Variants in ANKRD44 observed in about 807,000 individuals in gnomAD.
The protein encoded by ANKRD44 is ankyrin repeat domain 44.
Under a neutral mutation model 116.0 loss-of-function variants are expected in ANKRD44, and 35 were observed. That is an observed-to-expected ratio of 0.30 (90% confidence interval 0.23 to 0.40). The LOEUF (loss-of-function observed/expected upper bound fraction) is 0.40, where lower values mean the gene tolerates loss of function less well. Ranked by LOEUF, ANKRD44 falls within the 10% of genes least tolerant of loss-of-function variation. The probability of loss-of-function intolerance (pLI) is 1.00; values close to 1 mark genes in which losing one functional copy is unlikely to be tolerated. For synonymous variants in ANKRD44, 435 were observed against 461.8 expected (o/e 0.94, Z 0.74); for missense variants, 1,014 against 1,242.6 (o/e 0.82, Z 2.77).
At chr2:197,174,871 A>G (rs1027839650) in intron 2 of ANKRD44, among the ~76,000 whole-genome samples, 65 of 152,212 alleles carry the variant, frequency 4.3e-4, no homozygotes, top group African/African-American at 9.6e-4. Flanking sequence ...GCTATTTTAC[A>G]TGGGAAGATC....
At chr2:197,181,780 C>A (rs1174822814) in intron 2 of ANKRD44, among the ~76,000 whole-genome samples, 2 of 152,192 alleles carry the variant, frequency 1.3e-5, no homozygotes, top group African/African-American at 2.4e-5. Context: ...TAAGTTAATT[C>A]TTATCTTTTG....
intron 10 of ANKRD44, among the ~76,000 whole-genome samples, chr2:197,098,887 G>A (rs2078225648): frequency 6.6e-6 from 1 of 152,068 alleles, no homozygotes; most frequent in Non-Finnish European, 1.5e-5. Context: ...GGCATCAAGG[G>A]AGCACCCACC....
intron 1 of ANKRD44, among the ~76,000 whole-genome samples, chr2:197,255,699 C>T (rs918083181): frequency 6.6e-6 from 1 of 152,232 alleles, no homozygotes; most frequent in Non-Finnish European, 1.5e-5. Context: ...TAAGAGGCGG[C>T]CCCCTGGGTT....
At chr2:197,115,005 G>A (rs947905483) in intron 8 of ANKRD44, among the ~76,000 whole-genome samples, 1 of 152,014 alleles carries the variant, frequency 6.6e-6, no homozygotes, top group Non-Finnish European at 1.5e-5. Flanking sequence ...GCCCATTCCA[G>A]TTTCCACCTT....
chr2:197,257,308 T>C (rs1407029392), intron 1 of ANKRD44, among the ~76,000 whole-genome samples: 2 of 152,096 alleles, frequency 1.3e-5, no homozygotes, highest in Non-Finnish European at 2.9e-5. Context: ...TTCAGTTTGG[T>C]ATGACAGTAG....
At chr2:197,130,599 C>G (rs576285006) in intron 4 of ANKRD44, among the ~76,000 whole-genome samples, 45 of 152,250 alleles carry the variant, frequency 3.0e-4, no homozygotes, top group African/African-American at 1.0e-3. Flanking sequence ...AGCTGGGTAC[C>G]GCTTGTCTAC....
chr2:197,143,429 C>T (rs1439927680), intron 3 of ANKRD44, among the ~76,000 whole-genome samples: 2 of 146,692 alleles, frequency 1.4e-5, no homozygotes, highest in Non-Finnish European at 3.0e-5. Flanking sequence ...CAATTCCCAC[C>T]TATGAGTCAG....
At chr2:197,088,917 G>T in intron 11 of ANKRD44, 143 bp from the exon 12 acceptor site, 1 of 806,744 alleles carries the variant, frequency 1.2e-6, no homozygotes, top group Non-Finnish European at 1.8e-6. Flanking sequence ...GAAAGAGGTT[G>T]TCATGGAAAC....
At chr2:197,217,779 C>T (rs6434917) in intron 1 of ANKRD44, among the ~76,000 whole-genome samples, 30,629 of 152,066 alleles carry the variant, frequency 0.2, 3,235 homozygotes, top group Middle Eastern at 0.31. Flanking sequence ...TTTTCTCATC[C>T]GTTAAATGAA....
At chr2:197,255,567 G>A (rs1470745618) in intron 1 of ANKRD44, among the ~76,000 whole-genome samples, 5 of 152,216 alleles carry the variant, frequency 3.3e-5, no homozygotes, top group Non-Finnish European at 4.4e-5. Flanking sequence ...TCATAGTTTT[G>A]GAATTGAGAA....
intron 1 of ANKRD44, among the ~76,000 whole-genome samples, chr2:197,269,261 A>G (rs1175288394): frequency 6.6e-6 from 1 of 152,182 alleles, no homozygotes; most frequent in Non-Finnish European, 1.5e-5. Flanking sequence ...ATAAATAAGC[A>G]ATAAAGCAGG....
Position 197,086,763 on chromosome 2 carries a change from A to G in ANKRD44, c.1248-15T>C, listed in dbSNP as rs545446843. On this transcript the variant is annotated splice_polypyrimidine_tract_variant and intron_variant, in intron 12 of 27. Transcript: ENST00000282272. ...ATTCCACATTACTAGAAAGACAGGG[A>G]AAACATCATTAAGATGGAAGAGATC... 6.2e-7 allele frequency: 1 copy of G among 1,612,576 alleles called. No homozygotes were observed. Among genetic ancestry groups the G allele is most frequent in the Admixed American group, 1.7e-5 (1 of 60,010 alleles).
Position 196,986,801 on chromosome 2 carries a change from T to C in ANKRD44, c.*2790A>G. The stretch of plus-strand genomic sequence containing the variant: ...AGTATTAAACTGTGCTTGAGAAGAT[T>C]CAGATTGTTTCAAAGTCATTCACTG... On this transcript the variant is annotated 3_prime_UTR_variant, in exon 28 of 28. Transcript: ENST00000282272. The C allele has an allele frequency of 1.0e-6, 1 of 985,432 alleles. No homozygotes were observed. The highest frequency in any genetic ancestry group is 1.2e-6 in the Non-Finnish European group (1 of 829,926). 61.0% of individuals were successfully genotyped at this position (985,432 alleles called of 1,614,324 possible). A position where few individuals can be genotyped will look rare whatever the true frequency, so the allele number is the denominator to read the frequency against.
At chr2:197,003,195 C>T (rs1260660529) in intron 21 of ANKRD44, among the ~76,000 whole-genome samples, 1 of 151,822 alleles carries the variant, frequency 6.6e-6, no homozygotes, top group East Asian at 1.9e-4. Flanking sequence ...TCTGTAGTTC[C>T]AGCTACTCGG....
rs922023637 is a variant in ANKRD44, at chr2:197,025,074, C to T, written c.1722+122G>A. On this transcript the variant is annotated intron_variant, in intron 17 of 27. Coordinates refer to ENST00000282272, the MANE Select transcript of ANKRD44 (RefSeq NM_001195144.2). Reference sequence around the variant, plus strand: ...TCTCCACAGCCTGTGCCTTTTACCACGGACTACTTTCACTACCACTCATCA... The same window carrying T: ...TCTCCACAGCCTGTGCCTTTTACCATGGACTACTTTCACTACCACTCATCA... 8.5e-5 allele frequency: 80 copies of T among 940,858 alleles called. 1 individual carries two copies. The highest frequency in any genetic ancestry group is 2.2e-4 in the Middle Eastern group (1 of 4,462). 58.3% of individuals were successfully genotyped at this position (940,858 alleles called of 1,614,324 possible). A position where few individuals can be genotyped will look rare whatever the true frequency, so the allele number is the denominator to read the frequency against.
chr2:197,122,541 A>C, intron 7 of ANKRD44, 109 bp downstream of exon 7: 1 of 1,422,618 alleles, frequency 7.0e-7, no homozygotes, highest in Non-Finnish European at 9.4e-7. Flanking sequence ...AGGATGCTAG[A>C]AAACAATTCC....
At chr2:197,291,747 A>C (rs1222505848) in intron 1 of ANKRD44, among the ~76,000 whole-genome samples, 1 of 152,142 alleles carries the variant, frequency 6.6e-6, no homozygotes, top group East Asian at 1.9e-4. Flanking sequence ...ATATGTATAC[A>C]TGTGCCATGT....
intron 6 of ANKRD44, among the ~76,000 whole-genome samples, chr2:197,125,104 T>C (rs1339758528): frequency 6.6e-6 from 1 of 152,254 alleles, no homozygotes; most frequent in East Asian, 1.9e-4. Context: ...ATAAGCACAA[T>C]CTGTGCAGCT....
intron 10 of ANKRD44, chr2:197,099,364 G>A: frequency 3.8e-6 from 1 of 260,928 alleles, no homozygotes; most frequent in Non-Finnish European, 6.0e-6. Context: ...ATGTATTTTT[G>A]TGGAATTGAA....
Sources: allele counts gnomAD v4.1 joint callset (sites outside exome capture counted in the v4.1 genomes callset), GRCh38; gene constraint gnomAD v4.1.1; transcripts MANE v1.5; gene names NCBI Gene and HGNC (gene_info 2026-07-23, HGNC 2026-07-21).